The following GFRA2 variants were observed in gnomAD, a reference collection of about 807,000 sequenced individuals.
The protein encoded by GFRA2 is GDNF family receptor alpha-2.
Under a neutral mutation model 48.3 loss-of-function variants are expected in GFRA2, and 17 were observed. That is an observed-to-expected ratio of 0.35 (90% CI 0.24 to 0.53). The LOEUF (loss-of-function observed/expected upper bound fraction) is 0.53, where lower values mean the gene tolerates loss of function less well. Among genes scored for constraint, GFRA2 ranks in the 20% least tolerant of loss-of-function variants. GFRA2 has a pLI of 0.93. For synonymous variants in GFRA2, 305 were observed against 257.2 expected, an observed-to-expected ratio of 1.19 and a Z score of -1.78; for missense variants, 660 against 637.3, an observed-to-expected ratio of 1.04 and a Z score of -0.38.
At chr8:21,762,012 A>G (rs541582835) in intron 3 of GFRA2, among the ~76,000 whole-genome samples, 1 of 152,038 alleles carries the variant, frequency 6.6e-6, no homozygotes, top group East Asian at 1.9e-4. Flanking sequence ...CTCCCATCTC[A>G]CCTCTCTGGC....
At chr8:21,703,579 C>T (rs1469250566) in intron 6 of GFRA2, among the ~76,000 whole-genome samples, 3 of 152,212 alleles carry the variant, frequency 2.0e-5, no homozygotes, top group African/African-American at 4.8e-5. Flanking sequence ...CTGGGCTAGG[C>T]GTCTCCTCCT....
At chr8:21,694,598 C>A in intron 7 of GFRA2, 81 bp from the exon 8 acceptor site, 1 of 1,294,892 alleles carries the variant, frequency 7.7e-7, no homozygotes, top group Non-Finnish European at 1.1e-6. Context: ...AGATGAGGCC[C>A]CGCCATGCAC....
intron 4 of GFRA2, among the ~76,000 whole-genome samples, chr8:21,730,503 G>C (rs1226672509): frequency 6.6e-6 from 1 of 152,144 alleles, no homozygotes; most frequent in Non-Finnish European, 1.5e-5. Flanking sequence ...GCCCCTATCT[G>C]CACCACAGAG....
At position 21,718,209 on chromosome 8, in the gene GFRA2, T is replaced by C. The variant is rs566556224; in HGVS notation, c.795-12168A>G. On this transcript the variant is annotated intron_variant, in intron 4 of 8. Coordinates refer to ENST00000524240, the MANE Select transcript of GFRA2 (RefSeq NM_001495.5). ...CTTTCCCATGCTGTTGTCGTGATAG[T>C]GAGTAAGTCTCACAAGATCTGATGG... Among the ~76,000 whole-genome samples, 4 of 152,298 alleles carry C rather than the reference T, an allele frequency of 2.6e-5. No homozygotes were observed. The South Asian group carries it at 8.3e-4, about 32-fold the overall frequency.
intron 3 of GFRA2, among the ~76,000 whole-genome samples, chr8:21,773,649 T>C (rs2117701556): frequency 6.6e-6 from 1 of 152,350 alleles, no homozygotes; most frequent in African/African-American, 2.4e-5. Flanking sequence ...ATTTAATTTC[T>C]CTAGTTAGGA....
intron 4 of GFRA2, among the ~76,000 whole-genome samples, chr8:21,709,202 G>A (rs557052822): frequency 5.3e-5 from 8 of 152,196 alleles, no homozygotes; most frequent in South Asian, 4.1e-4. Flanking sequence ...ACGCCAGGCC[G>A]TCATGCATCA....
In GFRA2 at chr8:21,782,613, G is replaced by A. The variant is rs1443904101; in HGVS notation, c.327C>T (p.Tyr109=). 4.4e-6 allele frequency: 7 copies of A among 1,584,190 alleles called. No homozygotes were observed. The highest frequency in any genetic ancestry group is 3.6e-5 in the Admixed American group (2 of 56,046). The change falls in exon 2 of 9, where the codon TAC becomes TAT. Residue 109 remains tyrosine, a synonymous_variant. Transcript: ENST00000524240. ...MKKELQCLQI[Y]WSIHLGLTEG... ...CGGTCAGCCCCAGGTGGATGCTCCAGTAGATCTGCAGACACTGCAGCTCCT... is the reference window on the plus strand; with the variant it reads ...CGGTCAGCCCCAGGTGGATGCTCCAATAGATCTGCAGACACTGCAGCTCCT...
In GFRA2 at chr8:21,750,681, C is replaced by T. The variant is rs1424432138; in HGVS notation, c.701G>A (p.Arg234Gln). ...GGAGCAGCTGGGCAGGATGGTTTGCCGGCGGCGCTCAGCGCACGCCTGGTC... is the reference window on the plus strand; with the variant it reads ...GGAGCAGCTGGGCAGGATGGTTTGCTGGCGGCGCTCAGCGCACGCCTGGTC... ...CQDQACAERR[R>Q]QTILPSCSYE... is the part of the protein sequence containing the mutation. Residue 234 changes from arginine to glutamine, a missense_variant, in exon 4 of 9, where the codon CGG becomes CAG. Transcript: ENST00000524240. The surrounding 1 kb of genome is among the most constrained non-coding windows in gnomAD (Gnocchi z 5.7). The T allele has an allele frequency of 3.1e-6, 5 of 1,613,856 alleles. No homozygotes were observed. The highest frequency in any genetic ancestry group is 2.2e-5 in the South Asian group (2 of 91,084).
chr8:21,811,656 A>C (rs1257725244), intron 1 of GFRA2, among the ~76,000 whole-genome samples: 1 of 151,772 alleles, frequency 6.6e-6, no homozygotes, highest in African/African-American at 2.4e-5. Flanking sequence ...TCCTGCATAC[A>C]AGTCCTCCCC....
At chr8:21,777,230 G>A (rs2117717715) in intron 2 of GFRA2, among the ~76,000 whole-genome samples, 1 of 152,324 alleles carries the variant, frequency 6.6e-6, no homozygotes, top group East Asian at 1.9e-4. Context: ...CCAAAATGCA[G>A]AGTGTTATCG....
intron 4 of GFRA2, among the ~76,000 whole-genome samples, chr8:21,707,395 G>A (rs1319284123): frequency 6.6e-6 from 1 of 152,236 alleles, no homozygotes; most frequent in Non-Finnish European, 1.5e-5. Flanking sequence ...GAGCCAGCCT[G>A]AGCCAGGAGA....
chr8:21,761,857 C>T lies in GFRA2; in HGVS notation c.440-10915G>A, dbSNP rs151325642. Among the ~76,000 whole-genome samples the T allele has an allele frequency of 9.1e-3, 1,390 of 152,006 alleles. 11 individuals are homozygous for T. The highest frequency in any genetic ancestry group is 0.014 in the Middle Eastern group (4 of 294). ...CCCAGCTACTCGGGAGGCTGAGGCA[C>T]GAGAACTGCTTGAACCAGGGAGGTG... On this transcript the variant is annotated intron_variant, in intron 3 of 8. Transcript: ENST00000524240.
rs1223817329 is a variant in GFRA2, at chr8:21,775,069, C to G, written c.356-14G>C. On this transcript the variant is annotated splice_polypyrimidine_tract_variant and intron_variant, in intron 2 of 8. Transcript: ENST00000524240. ...AGAACTCCTCACCTGGAAGACAGAA[C>G]AGGCATCAGATGCGGGCTCCTCCGG... 1 of 1,445,610 alleles carries G rather than the reference C, an allele frequency of 6.9e-7. No homozygotes were observed. Among genetic ancestry groups the G allele is most frequent in the Non-Finnish European group, 9.7e-7 (1 of 1,027,664 alleles). The allele number at this position is 1,445,610 out of a possible 1,614,324, so 89.5% of individuals were successfully genotyped here.
intron 4 of GFRA2, among the ~76,000 whole-genome samples, chr8:21,746,801 A>C (rs1195140841): frequency 6.6e-6 from 1 of 151,928 alleles, no homozygotes; most frequent in African/African-American, 2.4e-5. Flanking sequence ...AAAAGCAAAA[A>C]AAAAAAAGAG....
At chr8:21,701,115 C>T (rs537292535) in intron 7 of GFRA2, among the ~76,000 whole-genome samples, 1 of 152,344 alleles carries the variant, frequency 6.6e-6, no homozygotes, top group South Asian at 2.1e-4. Flanking sequence ...AAACATTGTG[C>T]CGGGCGCGGG....
chr8:21,804,015 C>T (rs1807814685), intron 2 of GFRA2, among the ~76,000 whole-genome samples: 1 of 152,058 alleles, frequency 6.6e-6, no homozygotes, highest in Admixed American at 6.6e-5. Flanking sequence ...ACTAATAGCC[C>T]CATTTGATAT....
chr8:21,803,122 C>G (rs1272086205), intron 2 of GFRA2, among the ~76,000 whole-genome samples: 3 of 152,236 alleles, frequency 2.0e-5, no homozygotes, highest in Admixed American at 6.5e-5. Context: ...GTTCAATGTA[C>G]TTTGGCAGGG....
At chr8:21,765,517 C>G (rs1399174506) in intron 3 of GFRA2, among the ~76,000 whole-genome samples, 1 of 152,028 alleles carries the variant, frequency 6.6e-6, no homozygotes, top group Non-Finnish European at 1.5e-5. Context: ...GCTAGCTCTT[C>G]CTCCTCTACT....
intron 7 of GFRA2, among the ~76,000 whole-genome samples, chr8:21,697,183 G>GC (rs1802247876): frequency 2.1e-5 from 3 of 140,004 alleles, no homozygotes; most frequent in East Asian, 2.2e-4. Flanking sequence ...GGGGACAGAG[G>GC]AGAGGGAGAG....
Sources: gnomAD v4.1 joint callset for allele counts (sites outside exome capture counted in the v4.1 genomes callset) on GRCh38, gnomAD v4.1.1 for gene constraint, Gnocchi (gnomAD v3.1) non-coding constraint, MANE v1.5 for transcripts, NCBI Gene and HGNC (gene_info 2026-07-23, HGNC 2026-07-21) for gene names.